Variants in SERPINA3 observed in about 807,000 individuals in gnomAD.
The protein encoded by SERPINA3 is serpin family A member 3, also known as alpha-1-antichymotrypsin.
SERPINA3 carries 32 observed loss-of-function variants against 26.8 expected under a neutral mutation model. The observed-to-expected ratio is 1.20, with a 90% CI of 0.90 to 1.61. SERPINA3 has a LOEUF of 1.61. Among genes scored for constraint, SERPINA3 ranks in the 40% most tolerant of loss-of-function variants. The probability of loss-of-function intolerance (pLI) is 0.00; values close to 1 mark genes in which losing one functional copy is unlikely to be tolerated. For missense variants in SERPINA3, 632 were observed against 517.9 expected (o/e 1.22, Z -2.14); for synonymous variants, 252 against 206.4 (o/e 1.22, Z -1.89).
At chr14:94,620,726 C>A (rs1233992891) in intron 3 of SERPINA3, among the ~76,000 whole-genome samples, 1 of 152,154 alleles carries the variant, frequency 6.6e-6, no homozygotes, top group Non-Finnish European at 1.5e-5. Flanking sequence ...CTGGATAAAT[C>A]TGAGGGTAGA....
Position 94,614,935 on chromosome 14 carries a change from C to A in SERPINA3, c.494C>A (p.Ala165Asp). The A allele has an allele frequency of 2.5e-6, 4 of 1,613,492 alleles. No individual in the cohort carries two copies. The highest frequency in any genetic ancestry group is 3.4e-6 in the Non-Finnish European group (4 of 1,179,386). Reference sequence around the variant, plus strand: ...GCCAAGAGGCTGTATGGCTCCGAGGCCTTTGCCACTGACTTTCAGGACTCA... The same window carrying A: ...GCCAAGAGGCTGTATGGCTCCGAGGACTTTGCCACTGACTTTCAGGACTCA... ...EDAKRLYGSE[A>D]FATDFQDSAA... The change falls in exon 2 of 5, where the codon GCC (alanine) becomes GAC (aspartate). Residue 165 changes from alanine to aspartate, a missense_variant. Coordinates refer to ENST00000393078, the MANE Select transcript of SERPINA3 (RefSeq NM_001085.5).
At chr14:94,616,448 G>A (rs1886002203) in intron 2 of SERPINA3, among the ~76,000 whole-genome samples, 1 of 152,184 alleles carries the variant, frequency 6.6e-6, no homozygotes, top group African/African-American at 2.4e-5. Context: ...CTTGGTCACT[G>A]CTGGGGCAGC....
At chr14:94,614,346 G>C in intron 1 of SERPINA3, 88 bp from the exon 2 acceptor site, 3 of 1,370,396 alleles carry the variant, frequency 2.2e-6, no homozygotes, top group Non-Finnish European at 3.1e-6. Context: ...GCAGGACAGG[G>C]ACCAGGACGC....
At chr14:94,615,489 T>C (rs1328383101) in intron 2 of SERPINA3, 3 of 459,094 alleles carry the variant, frequency 6.5e-6, no homozygotes, top group Non-Finnish European at 8.7e-6. Flanking sequence ...CTGGGGCTCC[T>C]GCCCTGCACA....
chr14:94,617,180 G>A (rs996468569), intron 2 of SERPINA3, among the ~76,000 whole-genome samples: 1 of 152,154 alleles, frequency 6.6e-6, no homozygotes, highest in Admixed American at 6.5e-5. Flanking sequence ...AATGGCTGCT[G>A]CAATTGGTAA....
rs1800463 is a variant in SERPINA3 at position 94,614,674 on chromosome 14, T to C, written c.233T>C (p.Leu78Pro). 1.9e-6 allele frequency: 3 copies of C among 1,614,056 alleles called. No individual in the cohort carries two copies. Among genetic ancestry groups the C allele is most frequent in the Non-Finnish European group, 2.5e-6 (3 of 1,179,998 alleles). Residue 78 changes from leucine (L) to proline (P), a missense_variant, in exon 2 of 5, where the codon CTG (leucine) becomes CCG (proline). By Grantham distance (98) the Leu-to-Pro change is moderately conservative. Transcript: ENST00000393078. ...APDKNVIFSPLSISTALAFLS... is the reference protein window; with the variant it reads ...APDKNVIFSPPSISTALAFLS... The stretch of plus-strand genomic sequence containing the variant: ...GATAAGAATGTCATCTTCTCCCCAC[T>C]GAGCATCTCCACCGCCTTGGCCTTC...
intron 3 of SERPINA3, among the ~76,000 whole-genome samples, 182 bp from the exon 4 acceptor site, chr14:94,622,159 A>G (rs756005945): frequency 3.3e-5 from 5 of 152,242 alleles, no homozygotes; most frequent in Admixed American, 6.5e-5. Flanking sequence ...GCAGATCTGA[A>G]TGAATAATTA....
At position 94,620,146 on chromosome 14, in the gene SERPINA3, T is replaced by C. The variant is rs117421569; in HGVS notation, c.917+678T>C. On this transcript the variant is annotated intron_variant, in intron 3 of 4. Coordinates refer to ENST00000393078, the MANE Select transcript of SERPINA3 (RefSeq NM_001085.5). ...TGTTAGTTTGTGATTTTAGATAGAG[T>C]AGCCATTAGGTGATGTTTGAGCATC... 4.1e-3 allele frequency among the ~76,000 whole-genome samples: 621 copies of C among 152,050 alleles called. 2 individuals carry two copies. Among genetic ancestry groups the C allele is most frequent in the Non-Finnish European group, 7.3e-3 (496 of 67,982 alleles).
At chr14:94,622,193 G>A (rs1360399570) in intron 3 of SERPINA3, 148 bp from the exon 4 acceptor site, 6 of 747,396 alleles carry the variant, frequency 8.0e-6, no homozygotes, top group Admixed American at 6.1e-5. Flanking sequence ...GTAAAGACAG[G>A]GGTTAAGAAA....
intron 3 of SERPINA3, 82 bp from the exon 4 acceptor site, chr14:94,622,259 A>C: frequency 7.5e-7 from 1 of 1,337,518 alleles, no homozygotes. Flanking sequence ...AGAGGAAACC[A>C]GGGAAGACCA....
At position 94,614,984 on chromosome 14, in the gene SERPINA3, C is replaced by T. The variant is rs767709123; in HGVS notation, c.543C>T (p.Asn181=). ...CAGCTGCAGCTAAGAAGCTCATCAA[C>T]GACTACGTGAAGAATGGAACTAGGG... ...QDSAAAKKLI[N]DYVKNGTRGK... is the part of the protein sequence containing the mutation. Residue 181 remains asparagine (N), a synonymous_variant, in exon 2 of 5, where the codon AAC becomes AAT. Transcript: ENST00000393078. 56 of 1,613,660 alleles carry T rather than the reference C, an allele frequency of 3.5e-5. No individual in the cohort carries two copies. Among genetic ancestry groups the T allele is most frequent in the Middle Eastern group, 1.6e-4 (1 of 6,082 alleles).
rs755470493 is a variant in SERPINA3, at chr14:94,623,646, G to A, written c.1104G>A (p.Glu368=). 3.7e-6 allele frequency: 6 copies of A among 1,613,984 alleles called. No individual in the cohort carries two copies. Among genetic ancestry groups the A allele is most frequent in the Non-Finnish European group, 5.1e-6 (6 of 1,180,018 alleles). The change falls in exon 5 of 5, where the codon GAG becomes GAA. Residue 368 remains glutamate, a synonymous_variant. Coordinates refer to ENST00000393078, the MANE Select transcript of SERPINA3 (RefSeq NM_001085.5). ...VHKAVLDVFE[E]GTEASAATAV... ...AGGCTGTGCTTGATGTATTTGAGGA[G>A]GGCACAGAAGCATCTGCTGCCACAG...
chr14:94,622,631 C>A (rs1055646175), intron 4 of SERPINA3, 140 bp downstream of exon 4: 1 of 954,322 alleles, frequency 1.0e-6, no homozygotes, highest in East Asian at 2.6e-5. Context: ...TTGGGACACC[C>A]CCAAGCCAAG....
chr14:94,623,310 T>G (rs1886275032), intron 4 of SERPINA3, among the ~76,000 whole-genome samples: 1 of 152,134 alleles, frequency 6.6e-6, no homozygotes, highest in South Asian at 2.1e-4. Context: ...AGTGGCTGTT[T>G]TGGGGGCAAA....
rs1430129691 is a variant in SERPINA3, at chr14:94,622,712, G to T, written c.1068+221G>T. On this transcript the variant is annotated intron_variant, in intron 4 of 4. Coordinates refer to ENST00000393078, the MANE Select transcript of SERPINA3 (RefSeq NM_001085.5). ...AGCCTCTACAACATAATGTCATCCAGGCTTGGAATCAGAGAGCCATGGACA... is the reference window on the plus strand; with the variant it reads ...AGCCTCTACAACATAATGTCATCCATGCTTGGAATCAGAGAGCCATGGACA... 6 of 599,576 alleles carry T rather than the reference G, an allele frequency of 1.0e-5. No individual in the cohort carries two copies. In the East Asian group the frequency reaches 1.8e-4, roughly 18 times the overall value. The allele number at this position is 599,576 out of a possible 1,614,324, so 37.1% of individuals were successfully genotyped here. A position where few individuals can be genotyped will look rare whatever the true frequency, so the allele number is the denominator to read the frequency against.
Position 94,614,342 on chromosome 14 carries a change from C to T in SERPINA3, c.-8-92C>T, listed in dbSNP as rs192856831. On this transcript the variant is annotated intron_variant, in intron 1 of 4. Coordinates refer to ENST00000393078, the MANE Select transcript of SERPINA3 (RefSeq NM_001085.5). ...CCAAAGCTAGCAAGAGGCAGCAGGA[C>T]AGGGACCAGGACGCAGGCTGGGTGG... 3,833 of 1,321,362 alleles carry T rather than the reference C, an allele frequency of 2.9e-3. 8 individuals carry two copies. The highest frequency in any genetic ancestry group is 3.6e-3 in the Non-Finnish European group (3,354 of 929,150). The allele number at this position is 1,321,362 out of a possible 1,614,324, so 81.9% of individuals were successfully genotyped here.
chr14:94,617,127 G>T (rs1419164968), intron 2 of SERPINA3, among the ~76,000 whole-genome samples: 2 of 152,168 alleles, frequency 1.3e-5, no homozygotes, highest in African/African-American at 4.8e-5. Flanking sequence ...ATGGGAAGGT[G>T]CTCCATGGCA....
At chr14:94,616,435 G>A (rs1461685306) in intron 2 of SERPINA3, among the ~76,000 whole-genome samples, 1 of 152,176 alleles carries the variant, frequency 6.6e-6, no homozygotes, top group Non-Finnish European at 1.5e-5. Flanking sequence ...GTATGTGACG[G>A]GGCTTGGTCA....
intron 4 of SERPINA3, among the ~76,000 whole-genome samples, chr14:94,622,924 G>T (rs1337613078): frequency 6.6e-6 from 1 of 152,238 alleles, no homozygotes; most frequent in Non-Finnish European, 1.5e-5. Context: ...CTCGGAGTAT[G>T]AGAGAAGACT....
Sources: allele counts gnomAD v4.1 joint callset (sites outside exome capture counted in the v4.1 genomes callset), GRCh38; gene constraint gnomAD v4.1.1; transcripts MANE v1.5; gene names NCBI Gene and HGNC (gene_info 2026-07-23, HGNC 2026-07-21).